The following TAFA5 variants were observed in gnomAD, a reference collection of about 807,000 sequenced individuals.
TAFA5 encodes the protein chemokine-like protein TAFA-5.
In TAFA5, 6 loss-of-function variants were observed where a neutral mutation model predicts 15.3. That is an observed-to-expected ratio of 0.39 (90% CI 0.21 to 0.77). The LOEUF is 0.77. TAFA5 is among the 30% of genes least tolerant of loss of function. The pLI is 0.41. For missense variants in TAFA5, 161 were observed against 193.1 expected (o/e 0.83, Z 0.98); for synonymous variants, 103 against 80.7 (o/e 1.28, Z -1.48).
chr22:48,720,261 G>A (rs1929530483), intron 3 of TAFA5, among the ~76,000 whole-genome samples: 1 of 152,036 alleles, frequency 6.6e-6, no homozygotes, highest in Non-Finnish European at 1.5e-5. Context: ...CATGATCAGT[G>A]CCTCCTTCTC....
intron 2 of TAFA5, among the ~76,000 whole-genome samples, chr22:48,697,275 C>T (rs373679453): frequency 4.6e-5 from 7 of 152,236 alleles, no homozygotes; most frequent in African/African-American, 1.4e-4. Context: ...ATGTGTATGG[C>T]ACAGGAGGGA....
intron 1 of TAFA5, among the ~76,000 whole-genome samples, chr22:48,599,697 G>A (rs1924893127): frequency 2.6e-5 from 4 of 152,234 alleles, no homozygotes; most frequent in Admixed American, 2.6e-4. Context: ...TGGCTGGCCA[G>A]CCACACAGAG....
At chr22:48,542,187 CGTGT>C (rs1922415855) in intron 1 of TAFA5, among the ~76,000 whole-genome samples, 1 of 95,892 alleles carries the variant, frequency 1.0e-5, no homozygotes, top group South Asian at 3.6e-4. Flanking sequence ...ATGTGTGTGT[CGTGT>C]GTATGTGTGT....
intron 2 of TAFA5, among the ~76,000 whole-genome samples, chr22:48,678,402 C>T (rs2147227480): frequency 6.6e-6 from 1 of 152,336 alleles, no homozygotes; most frequent in South Asian, 2.1e-4. Flanking sequence ...GCCTCAAATC[C>T]ATCCATGTGT....
rs1172071265 is a variant in TAFA5, at chr22:48,489,583, C to G, written c.-10C>G. Reference sequence around the variant, plus strand: ...GCGCTGCTGCCCCCCGCGCGGGCGCCGCGGCTTCAATGGCGCCATCGCCCA... The same window carrying G: ...GCGCTGCTGCCCCCCGCGCGGGCGCGGCGGCTTCAATGGCGCCATCGCCCA... On this transcript the variant is annotated 5_prime_UTR_variant, in exon 1 of 4. Transcript: ENST00000402357. This position sits in a 1 kb window ranked among gnomAD's most constrained non-coding sequence, Gnocchi z 5.5. 4 of 1,440,452 alleles carry G rather than the reference C, an allele frequency of 2.8e-6. No individual in the cohort carries two copies. Among genetic ancestry groups the G allele is most frequent in the Non-Finnish European group, 3.7e-6 (4 of 1,086,492 alleles). 89.2% of individuals were successfully genotyped at this position (1,440,452 alleles called of 1,614,324 possible). A position where few individuals can be genotyped will look rare whatever the true frequency, so the allele number is the denominator to read the frequency against.
At chr22:48,496,689 C>A (rs1478919661) in intron 1 of TAFA5, among the ~76,000 whole-genome samples, 3 of 152,128 alleles carry the variant, frequency 2.0e-5, no homozygotes, top group Admixed American at 6.5e-5. Context: ...TCGTTTAGGG[C>A]GCTGTGTGGT....
At chr22:48,523,129 G>C (rs1490781458) in intron 1 of TAFA5, among the ~76,000 whole-genome samples, 4 of 152,198 alleles carry the variant, frequency 2.6e-5, no homozygotes, top group East Asian at 3.9e-4. Flanking sequence ...TCCAGCTCAC[G>C]GGCCTCCATC....
chr22:48,556,264 C>T (rs1601576843), intron 1 of TAFA5, among the ~76,000 whole-genome samples: 1 of 152,166 alleles, frequency 6.6e-6, no homozygotes, highest in Non-Finnish European at 1.5e-5. Context: ...ATCCCCAGAG[C>T]CCCCTGTGGT....
intron 1 of TAFA5, among the ~76,000 whole-genome samples, chr22:48,642,105 G>T (rs113695763): frequency 0.024 from 3,649 of 151,986 alleles, 138 homozygotes; most frequent in African/African-American, 0.084. Flanking sequence ...CCTGGTGAAG[G>T]GGCCTGTGCT....
Position 48,560,591 on chromosome 22 carries a change from A to AT in TAFA5, c.112+70888dup, listed in dbSNP as rs1555887821. 1.5e-3 allele frequency among the ~76,000 whole-genome samples: 32 copies of AT among 21,246 alleles called. No individual in the cohort carries two copies. The highest frequency in any genetic ancestry group is 3.3e-3 in the African/African-American group (32 of 9,560). 13.9% of individuals were successfully genotyped at this position (21,246 alleles called of 152,430 possible). On this transcript the variant is annotated intron_variant, in intron 1 of 3. Coordinates refer to ENST00000402357, the MANE Select transcript of TAFA5 (RefSeq NM_001082967.3). The surrounding 1 kb of genome is among the most constrained non-coding windows in gnomAD (Gnocchi z 4.2). ...TTTTATTATTATTATTATTATTATT[A>AT]TATTATTATTATTAATTATTTATTT...
chr22:48,572,164 C>T (rs1923614035), intron 1 of TAFA5, among the ~76,000 whole-genome samples: 1 of 152,190 alleles, frequency 6.6e-6, no homozygotes, highest in Non-Finnish European at 1.5e-5. Context: ...CACAGCTGAG[C>T]CTGACTTCTC....
intron 1 of TAFA5, among the ~76,000 whole-genome samples, chr22:48,511,394 T>G (rs895753496): frequency 1.3e-5 from 2 of 152,120 alleles, no homozygotes; most frequent in African/African-American, 2.4e-5. Context: ...CACTGTCTCC[T>G]GGGGCTGTGC....
chr22:48,662,425 C>T (rs2147215248), intron 2 of TAFA5, among the ~76,000 whole-genome samples: 1 of 152,300 alleles, frequency 6.6e-6, no homozygotes, highest in South Asian at 2.1e-4. Flanking sequence ...GAGGAGTCTG[C>T]AGAGGTCAGG....
intron 1 of TAFA5, among the ~76,000 whole-genome samples, chr22:48,526,240 G>T (rs1250087227): frequency 6.6e-6 from 1 of 152,234 alleles, no homozygotes; most frequent in Non-Finnish European, 1.5e-5. Context: ...CTCCGTCTGT[G>T]TGTGGTGTCC....
chr22:48,591,074 A>G (rs1162722463), intron 1 of TAFA5, among the ~76,000 whole-genome samples: 2 of 149,022 alleles, frequency 1.3e-5, no homozygotes, highest in African/African-American at 4.9e-5. Flanking sequence ...TTGGTCTTGA[A>G]CTCCTGACCT....
At chr22:48,734,791 G>A (rs968447419) in intron 3 of TAFA5, among the ~76,000 whole-genome samples, 1 of 152,236 alleles carries the variant, frequency 6.6e-6, no homozygotes, top group African/African-American at 2.4e-5. Context: ...TCTCAAATCA[G>A]TGAGGATGGG....
intron 1 of TAFA5, among the ~76,000 whole-genome samples, chr22:48,491,560 G>C (rs1928155546): frequency 6.6e-6 from 1 of 152,224 alleles, no homozygotes; most frequent in East Asian, 1.9e-4. Flanking sequence ...TAATTGTTGC[G>C]AAGTACTTGA....
chr22:48,712,889 G>A lies in TAFA5; in HGVS notation c.390+5045G>A, dbSNP rs1446732998. On this transcript the variant is annotated intron_variant, in intron 3 of 3. Transcript: ENST00000402357. ...AGGGACAGGCAGGGCTGGTGGGGCC[G>A]AGGGGAGCAGGCCAGGCCCACACAC... Among the ~76,000 whole-genome samples, 5 of 152,354 alleles carry A rather than the reference G, an allele frequency of 3.3e-5. No homozygotes were observed. In the East Asian group the frequency reaches 5.8e-4, roughly 18 times the overall value.
In TAFA5 at chr22:48,515,061, C is replaced by T. The variant is rs565168457; in HGVS notation, c.112+25357C>T. Among the ~76,000 whole-genome samples the T allele has an allele frequency of 1.1e-4, 16 of 152,064 alleles. No homozygotes were observed. The East Asian group carries it at 2.9e-3, about 28-fold the overall frequency. ...CTCAGATAAGCAGGTGCAGAGCTGG[C>T]GAATGCAGGAGCCCAGGCTTGCGCA... is the stretch of plus-strand genomic sequence containing the variant. On this transcript the variant is annotated intron_variant, in intron 1 of 3. Coordinates refer to ENST00000402357, the MANE Select transcript of TAFA5 (RefSeq NM_001082967.3).
Sources: allele counts gnomAD v4.1 joint callset (sites outside exome capture counted in the v4.1 genomes callset), GRCh38; gene constraint gnomAD v4.1.1; non-coding constraint Gnocchi (gnomAD v3.1); transcripts MANE v1.5; gene names NCBI Gene and HGNC (gene_info 2026-07-23, HGNC 2026-07-21).